FSIP2: variants seen among roughly 807,000 people sequenced by gnomAD.
The protein encoded by FSIP2 is fibrous sheath interacting protein 2.
FSIP2 carries 367 observed loss-of-function variants against 510.5 expected under a neutral mutation model. The ratio of observed to expected loss-of-function variants is 0.72; its 90% CI spans 0.66 to 0.78. The LOEUF (loss-of-function observed/expected upper bound fraction) is 0.78. FSIP2 is among the 30% of genes least tolerant of loss of function. The probability of loss-of-function intolerance (pLI) is 0.00; values close to 1 mark genes in which losing one functional copy is unlikely to be tolerated. For missense variants in FSIP2, 7,594 were observed against 7,901.7 expected, an observed-to-expected ratio of 0.96 and a Z score of 1.48; for synonymous variants, 2,601 against 2,732.2, an observed-to-expected ratio of 0.95 and a Z score of 1.50.
intron 9 of FSIP2, among the ~76,000 whole-genome samples, chr2:185,759,393 AT>A (rs1236224303): frequency 6.8e-6 from 1 of 146,652 alleles, no homozygotes; most frequent in East Asian, 2.0e-4. Flanking sequence ...ATAATGCATA[AT>A]TTTTATTACA....
At chr2:185,783,192 TTTTGCAG>T (rs2105597723) in intron 14 of FSIP2, among the ~76,000 whole-genome samples, 1 of 152,278 alleles carries the variant, frequency 6.6e-6, no homozygotes, top group South Asian at 2.1e-4. Context: ...CCAAAGGCTA[TTTTGCAG>T]TTTAATAAAA....
At chr2:185,740,633 G>A (rs1251791588) in intron 2 of FSIP2, among the ~76,000 whole-genome samples, 1 of 152,092 alleles carries the variant, frequency 6.6e-6, no homozygotes, top group East Asian at 1.9e-4. Context: ...TAGAAATAAC[G>A]TAAATTTATT....
chr2:185,738,106 G>C (rs1268840470), upstream of FSIP2: 1 of 163,024 alleles, frequency 6.1e-6, no homozygotes, highest in Non-Finnish European at 1.4e-5. Context: ...CAACAGGTGG[G>C]TTAGACACAT....
At chr2:185,823,711 C>A (rs987180330) in intron 19 of FSIP2, among the ~76,000 whole-genome samples, 1 of 151,626 alleles carries the variant, frequency 6.6e-6, no homozygotes, top group Non-Finnish European at 1.5e-5. Context: ...CATAGACTTA[C>A]CCTATGATCA....
intron 1 of FSIP2, 40 bp from the exon 2 acceptor site, chr2:185,739,306 C>A: frequency 6.7e-7 from 1 of 1,496,866 alleles, no homozygotes; most frequent in Non-Finnish European, 8.9e-7. Flanking sequence ...ACTAATACTG[C>A]CTAAAAGGAA....
At chr2:185,829,058 A>C (rs1461169581) in intron 21 of FSIP2, among the ~76,000 whole-genome samples, 3 of 151,844 alleles carry the variant, frequency 2.0e-5, no homozygotes, top group Admixed American at 1.3e-4. Context: ...CTCAGGCTCC[A>C]CTTTGGCCAC....
chr2:185,765,921 T>A (rs1380774829), intron 13 of FSIP2: 2 of 149,990 alleles, frequency 1.3e-5, no homozygotes, highest in Admixed American at 6.7e-5. Context: ...GAATGGGAGT[T>A]CACTCATGAT....
chr2:185,830,675 G>A (rs12612118), intron 21 of FSIP2, among the ~76,000 whole-genome samples: 15,613 of 151,478 alleles, frequency 0.1, 832 homozygotes, highest in African/African-American at 0.13. Flanking sequence ...ATACATGTTC[G>A]GTATACATGC....
At chr2:185,815,671 C>A (rs1172853718) in intron 19 of FSIP2, among the ~76,000 whole-genome samples, 200 bp downstream of exon 19, 1 of 151,956 alleles carries the variant, frequency 6.6e-6, no homozygotes, top group Non-Finnish European at 1.5e-5. Flanking sequence ...AGATACCTGG[C>A]CTCTATGTCC....
In FSIP2 at chr2:185,805,473, A is replaced by G. The variant is rs759440952; in HGVS notation, c.16167A>G (p.Ile5389Met). The change falls in exon 17 of 23, where the codon ATA (isoleucine) becomes ATG (methionine). Residue 5389 changes from isoleucine (I) to methionine (M), a missense_variant. Transcript: ENST00000424728. ...GMIAALTQKA[I>M]SAFRIQPLFS... is the part of the protein sequence containing the mutation. ...TTGCTGCTCTAACCCAGAAGGCAAT[A>G]TCTGCATTCAGGATTCAACCACTTT... 2 of 1,611,480 alleles carry G rather than the reference A, an allele frequency of 1.2e-6. No homozygotes were observed. Among genetic ancestry groups the G allele is most frequent in the East Asian group, 2.2e-5 (1 of 44,784 alleles).
At chr2:185,769,913 G>A (rs1355738945) in intron 13 of FSIP2, among the ~76,000 whole-genome samples, 1 of 152,044 alleles carries the variant, frequency 6.6e-6, no homozygotes, top group East Asian at 1.9e-4. Flanking sequence ...TCAAAGATCA[G>A]ATGGTTGCAG....
In FSIP2 at chr2:185,804,881, A is replaced by G. The variant is rs1384441165; in HGVS notation, c.15575A>G (p.Asp5192Gly). Residue 5192 changes from aspartate to glycine, a missense_variant, in exon 17 of 23, where the codon GAC becomes GGC. Asp to Gly is a moderately conservative substitution (Grantham distance 94, BLOSUM62 -1). Transcript: ENST00000424728. The stretch of plus-strand genomic sequence containing the variant: ...TTAGAACCTATTGAAAATTTGGTCG[A>G]CTCCATATGTAATAATATTTTGAAA... ...MQLEPIENLV[D>G]SICNNILKTS... is the part of the protein sequence containing the mutation. 9 of 1,523,368 alleles carry G rather than the reference A, an allele frequency of 5.9e-6. No homozygotes were observed. Among genetic ancestry groups the G allele is most frequent in the Non-Finnish European group, 7.9e-6 (9 of 1,141,912 alleles). The allele number at this position is 1,523,368 out of a possible 1,614,324, so 94.4% of individuals were successfully genotyped here. A position where few individuals can be genotyped will look rare whatever the true frequency, so the allele number is the denominator to read the frequency against.
intron 13 of FSIP2, among the ~76,000 whole-genome samples, chr2:185,767,218 A>T (rs7564904): frequency 0.54 from 78,670 of 146,774 alleles, 21,170 homozygotes; most frequent in South Asian, 0.63. Flanking sequence ...ACCTAATGCT[A>T]GATGACGAGT....
intron 13 of FSIP2, among the ~76,000 whole-genome samples, chr2:185,771,505 T>C (rs574321898): frequency 3.4e-4 from 52 of 152,308 alleles, no homozygotes; most frequent in African/African-American, 1.2e-3. Context: ...TCCCAAATTG[T>C]ACCTGGGCCC....
In FSIP2 at chr2:185,793,016, A is replaced by C. The variant is rs1693175007; in HGVS notation, c.5880A>C (p.Thr1960=). The change falls in exon 16 of 23, where the codon ACA becomes ACC. Residue 1960 remains threonine (T), a synonymous_variant. Transcript: ENST00000424728. ...TACCTATTCAGCAAGATCACAGTAC[A>C]TTGAGCAAAGCATTATCAGCCAAAG... ...VALPIQQDHS[T]LSKALSAKDS... 1 of 1,534,428 alleles carries C rather than the reference A, an allele frequency of 6.5e-7. No individual in the cohort carries two copies. The highest frequency in any genetic ancestry group is 1.2e-5 in the South Asian group (1 of 84,040).
chr2:185,806,728 A>T lies in FSIP2; in HGVS notation c.17422A>T (p.Ile5808Leu). ...CTTTTCTTCTATACCAGAAACACAA[A>T]TACAAGATAGATGTCAAAATGTTAG... Reference protein sequence around the residue: ...LIFSSIPETQIQDRCQNVSDK... With the variant: ...LIFSSIPETQLQDRCQNVSDK... The change falls in exon 17 of 23, where the codon ATA (isoleucine) becomes TTA (leucine). Residue 5808 changes from isoleucine (I) to leucine (L), a missense_variant. Physicochemically the swap from Ile to Leu is conservative, Grantham distance 5. Transcript: ENST00000424728. 1 of 1,610,796 alleles carries T rather than the reference A, an allele frequency of 6.2e-7. No individual in the cohort carries two copies. Among genetic ancestry groups the T allele is most frequent in the Non-Finnish European group, 8.5e-7 (1 of 1,178,412 alleles).
At chr2:185,742,997 A>T in intron 2 of FSIP2, 136 bp from the exon 3 acceptor site, 1 of 656,274 alleles carries the variant, frequency 1.5e-6, no homozygotes, top group Non-Finnish European at 2.4e-6. Context: ...CCCAACTCCA[A>T]TTTTTCTGTG....
intron 13 of FSIP2, among the ~76,000 whole-genome samples, chr2:185,773,084 C>T (rs1157034451): frequency 6.6e-6 from 1 of 152,058 alleles, no homozygotes; most frequent in African/African-American, 2.4e-5. Context: ...TGTTCTCAAA[C>T]TCCTGGGCTC....
Position 185,738,910 on chromosome 2 carries a change from G to A in FSIP2, c.16G>A (p.Gly6Ser), listed in dbSNP as rs1475969183. ...TGTGCCGGCCATGGAGCTGTACCTC[G>A]GCGCCTGCTCCAAGCCTGCCAAAGT... MELYL[G>S]ACSKPAKVAV... The change falls in exon 1 of 23, where the codon GGC becomes AGC. Residue 6 changes from glycine (G) to serine (S), a missense_variant. Gly to Ser is a moderately conservative substitution (Grantham distance 56). Coordinates refer to ENST00000424728, the MANE Select transcript of FSIP2 (RefSeq NM_173651.4). The A allele has an allele frequency of 6.5e-7, 1 of 1,534,976 alleles. No homozygotes were observed. The highest frequency in any genetic ancestry group is 8.7e-7 in the Non-Finnish European group (1 of 1,146,724).
Sources: allele counts gnomAD v4.1 joint callset (sites outside exome capture counted in the v4.1 genomes callset), GRCh38; gene constraint gnomAD v4.1.1; transcripts MANE v1.5; gene names NCBI Gene and HGNC (gene_info 2026-07-23, HGNC 2026-07-21).